The following NCOA1 variants were observed in gnomAD, a reference collection of about 807,000 sequenced individuals.
NCOA1 encodes nuclear receptor coactivator 1, also known as Hin-2 protein.
In NCOA1, 35 loss-of-function variants were observed where a neutral mutation model predicts 150.9. The ratio of observed to expected loss-of-function variants is 0.23; its 90% CI spans 0.18 to 0.31. The LOEUF (loss-of-function observed/expected upper bound fraction) is 0.31, where lower values mean the gene tolerates loss of function less well. Among genes scored for constraint, NCOA1 ranks in the 10% least tolerant of loss-of-function variants. The probability of loss-of-function intolerance (pLI) is 1.00; values close to 1 mark genes in which losing one functional copy is unlikely to be tolerated. For missense variants in NCOA1, 1,491 were observed against 1,749.3 expected, an observed-to-expected ratio of 0.85 and a Z score of 2.63; for synonymous variants, 590 against 630.0, an observed-to-expected ratio of 0.94 and a Z score of 0.95.
chr2:24,515,269 G>A (rs531545223), intron 1 of NCOA1, among the ~76,000 whole-genome samples: 1 of 152,052 alleles, frequency 6.6e-6, no homozygotes, highest in Non-Finnish European at 1.5e-5. Flanking sequence ...GTCTGGGTCT[G>A]TTACCCAGGC....
intron 6 of NCOA1, 73 bp downstream of exon 6, chr2:24,665,988 A>T (rs1572562913): frequency 1.7e-6 from 1 of 602,630 alleles, no homozygotes; most frequent in Non-Finnish European, 2.1e-6. Context: ...ATTTTACTTT[A>T]TTATTATTAT....
intron 5 of NCOA1, among the ~76,000 whole-genome samples, chr2:24,660,550 A>G (rs985637994): frequency 4.6e-5 from 7 of 152,154 alleles, no homozygotes; most frequent in Admixed American, 2.6e-4. Context: ...TTTCTATAGT[A>G]TACTTTTTCA....
At chr2:24,748,424 A>G (rs867786930) in intron 19 of NCOA1, among the ~76,000 whole-genome samples, 1 of 152,120 alleles carries the variant, frequency 6.6e-6, no homozygotes, top group African/African-American at 2.4e-5. Context: ...AGCCTCACCA[A>G]TATGATGAAA....
intron 3 of NCOA1, among the ~76,000 whole-genome samples, chr2:24,618,506 GATTTA>G (rs1668974229): frequency 6.6e-6 from 1 of 151,998 alleles, no homozygotes; most frequent in South Asian, 2.1e-4. Flanking sequence ...GCCAACTCAA[GATTTA>G]ATTTAATATA....
intron 17 of NCOA1, 28 bp from the exon 18 acceptor site, chr2:24,739,404 A>T: frequency 6.7e-7 from 1 of 1,494,332 alleles, no homozygotes; most frequent in Non-Finnish European, 9.3e-7. Flanking sequence ...GTGTAGAAAT[A>T]TATCTTATTG....
rs1217788080 is a variant in NCOA1 at position 24,711,123 on chromosome 2, G to T, written c.2599+12G>T. On this transcript the variant is annotated intron_variant, in intron 14 of 22. Transcript: ENST00000348332. ...TTCCAGGCTAAATAGTATGTTCTGG[G>T]GACAACACCTCATTTTAAACGTTTA... is the stretch of plus-strand genomic sequence containing the variant. 1.2e-6 allele frequency: 2 copies of T among 1,602,068 alleles called. No individual in the cohort carries two copies. Among genetic ancestry groups the T allele is most frequent in the Non-Finnish European group, 1.7e-6 (2 of 1,173,420 alleles).
chr2:24,641,705 T>C (rs1670223888), intron 3 of NCOA1, among the ~76,000 whole-genome samples: 1 of 152,170 alleles, frequency 6.6e-6, no homozygotes, highest in Non-Finnish European at 1.5e-5. Flanking sequence ...CCTCTGTTGT[T>C]ACCAATGAGA....
intron 19 of NCOA1, among the ~76,000 whole-genome samples, chr2:24,750,836 A>C (rs574444476): frequency 6.6e-6 from 1 of 151,942 alleles, no homozygotes; most frequent in South Asian, 2.1e-4. Flanking sequence ...CAACTCTATA[A>C]ATTTACTAAA....
At chr2:24,597,706 A>G (rs940528655) in intron 3 of NCOA1, among the ~76,000 whole-genome samples, 5 of 152,150 alleles carry the variant, frequency 3.3e-5, no homozygotes, top group African/African-American at 1.2e-4. Flanking sequence ...CCTTCAGCTG[A>G]TTAGATAAGG....
intron 6 of NCOA1, among the ~76,000 whole-genome samples, chr2:24,670,479 T>G (rs1015605583): frequency 2.6e-5 from 4 of 152,220 alleles, no homozygotes; most frequent in African/African-American, 7.2e-5. Flanking sequence ...TATGAAGGAC[T>G]ATTATTAGGC....
rs180858556 is a variant in NCOA1 at position 24,698,963 on chromosome 2, G to A, written c.949+1165G>A. ...CGTACAGACTAGTGGTTCTCTAATG[G>A]GCTCCTTACTAGACTTATACCACCT... is the stretch of plus-strand genomic sequence containing the variant. On this transcript the variant is annotated intron_variant, in intron 11 of 22. Coordinates refer to ENST00000348332, the MANE Select transcript of NCOA1 (RefSeq NM_003743.5). 3.3e-5 allele frequency among the ~76,000 whole-genome samples: 5 copies of A among 152,124 alleles called. No individual in the cohort carries two copies. The East Asian group carries it at 9.7e-4, about 29-fold the overall frequency.
chr2:24,540,782 C>T (rs867920949), intron 1 of NCOA1, among the ~76,000 whole-genome samples: 8 of 152,102 alleles, frequency 5.3e-5, no homozygotes, highest in African/African-American at 1.2e-4. Context: ...TTTGATGATC[C>T]AGTGATATAA....
At chr2:24,749,593 C>T (rs955399827) in intron 19 of NCOA1, among the ~76,000 whole-genome samples, 1 of 152,140 alleles carries the variant, frequency 6.6e-6, no homozygotes, top group African/African-American at 2.4e-5. Context: ...TGGTTTGCCT[C>T]GGTAGTGGGG....
intron 3 of NCOA1, among the ~76,000 whole-genome samples, chr2:24,639,279 TAAATA>T (rs935326383): frequency 2.0e-5 from 3 of 152,028 alleles, no homozygotes; most frequent in South Asian, 4.1e-4. Flanking sequence ...GTTATTTTAA[TAAATA>T]AAATAAAAAA....
intron 17 of NCOA1, among the ~76,000 whole-genome samples, chr2:24,731,948 G>A (rs1248458620): frequency 1.3e-5 from 2 of 152,164 alleles, no homozygotes; most frequent in Non-Finnish European, 2.9e-5. Context: ...GTTAAGTGAC[G>A]CTGCAAGCAG....
intron 8 of NCOA1, among the ~76,000 whole-genome samples, chr2:24,683,790 C>G (rs1672283743): frequency 6.6e-6 from 1 of 152,136 alleles, no homozygotes. Context: ...TCTAGTTACT[C>G]CTGGTGATTG....
At chr2:24,757,899 G>A in intron 20 of NCOA1, 74 bp from the exon 21 acceptor site, 1 of 1,431,560 alleles carries the variant, frequency 7.0e-7, no homozygotes, top group Non-Finnish European at 9.6e-7. Flanking sequence ...TATTTTATTT[G>A]GAAACAGAAT....
At chr2:24,558,913 T>A (rs957736012) in intron 1 of NCOA1, among the ~76,000 whole-genome samples, 3 of 152,166 alleles carry the variant, frequency 2.0e-5, no homozygotes, top group African/African-American at 7.2e-5. Flanking sequence ...GTATGCTGTC[T>A]GCTTCTTAAT....
intron 1 of NCOA1, among the ~76,000 whole-genome samples, chr2:24,553,629 C>T (rs966822330): frequency 1.3e-5 from 2 of 152,172 alleles, no homozygotes; most frequent in African/African-American, 4.8e-5. Flanking sequence ...ACATTGCATT[C>T]TTGGGATAAA....
Sources: allele counts gnomAD v4.1 joint callset (sites outside exome capture counted in the v4.1 genomes callset), GRCh38; gene constraint gnomAD v4.1.1; transcripts MANE v1.5; gene names NCBI Gene and HGNC (gene_info 2026-07-23, HGNC 2026-07-21).